TM4SF18: variants seen among roughly 807,000 people sequenced by gnomAD.
TM4SF18 encodes transmembrane 4 L6 family member 18.
TM4SF18 carries 22 observed loss-of-function variants against 23.8 expected under a neutral mutation model. The observed-to-expected ratio is 0.92, with a 90% CI of 0.66 to 1.32. TM4SF18 has a LOEUF of 1.32. Among genes scored for constraint, TM4SF18 ranks in the 40% most tolerant of loss-of-function variants. The probability of loss-of-function intolerance (pLI) is 0.00; values close to 1 mark genes in which losing one functional copy is unlikely to be tolerated. For synonymous variants in TM4SF18, 87 were observed against 87.9 expected, an observed-to-expected ratio of 0.99 and a Z score of 0.06; for missense variants, 255 against 240.3, an observed-to-expected ratio of 1.06 and a Z score of -0.41.
At chr3:149,330,022 A>G (rs1358573139) in intron 3 of TM4SF18, 2 of 188,398 alleles carry the variant, frequency 1.1e-5, no homozygotes, top group African/African-American at 2.3e-5. Flanking sequence ...CACTTATTAT[A>G]TGTAATTTAG....
intron 3 of TM4SF18, among the ~76,000 whole-genome samples, chr3:149,326,132 CT>C (rs1384494516): frequency 6.6e-6 from 1 of 152,078 alleles, no homozygotes; most frequent in East Asian, 1.9e-4. Context: ...TATTTTGTAA[CT>C]TTTAAATTTT....
Position 149,333,372 on chromosome 3 carries a change from C to T in TM4SF18, c.11G>A (p.Arg4Gln), listed in dbSNP as rs867900204. 6.2e-6 allele frequency: 10 copies of T among 1,611,398 alleles called. No homozygotes were observed. The highest frequency in any genetic ancestry group is 3.3e-5 in the Admixed American group (2 of 59,736). The change falls in exon 2 of 6, where the codon CGG becomes CAG. Residue 4 changes from arginine (R) to glutamine (Q), a missense_variant. Transcript: ENST00000296059. ...ACAACTTAGGCAGCCTCCACACTTCCGAGACCCCATTTTGCCCTGCTTAGA... is the reference window on the plus strand; with the variant it reads ...ACAACTTAGGCAGCCTCCACACTTCTGAGACCCCATTTTGCCCTGCTTAGA... MGSRKCGGCLSCLL... is the reference protein window; with the variant it reads MGSQKCGGCLSCLL...
Position 149,322,372 on chromosome 3 carries a change from T to C in TM4SF18, c.475A>G (p.Ile159Val), listed in dbSNP as rs1447174817. The C allele has an allele frequency of 6.2e-7, 1 of 1,614,058 alleles. No homozygotes were observed. Among genetic ancestry groups the C allele is most frequent in the Non-Finnish European group, 8.5e-7 (1 of 1,179,986 alleles). ...GTTATGAGAATGGAAAATAAAATGA[T>C]GTTCCACTCCACAACATGTGCAGGT... ...LEPAHVVEWN[I>V]ILFSILITLS... Residue 159 changes from isoleucine (I) to valine (V), a missense_variant, in exon 5 of 6, where the codon ATC becomes GTC. Transcript: ENST00000296059.
At chr3:149,324,698 A>G (rs1039092316) in intron 4 of TM4SF18, 182 bp downstream of exon 4, 3 of 714,978 alleles carry the variant, frequency 4.2e-6, no homozygotes, top group Admixed American at 6.0e-5. Context: ...GAAGAAAAAA[A>G]TCTAAACAAA....
chr3:149,321,654 G>T (rs1027807752), intron 5 of TM4SF18, among the ~76,000 whole-genome samples, 162 bp from the exon 6 acceptor site: 1 of 152,162 alleles, frequency 6.6e-6, no homozygotes, highest in Middle Eastern at 3.2e-3. Flanking sequence ...TACACATTCT[G>T]TTGTTAAACA....
At position 149,324,921 on chromosome 3, in the gene TM4SF18, G is replaced by A. The variant is rs759501091; in HGVS notation, c.369C>T (p.Thr123=). The A allele has an allele frequency of 6.2e-7, 1 of 1,614,150 alleles. No individual in the cohort carries two copies. The change falls in exon 4 of 6, where the codon ACC becomes ACT. Residue 123 remains threonine, a synonymous_variant. Coordinates refer to ENST00000296059, the MANE Select transcript of TM4SF18 (RefSeq NM_138786.4). ...LGLVQGPYCR[T]LDGWEYAFEG... is the part of the protein sequence containing the mutation. ...CAAAAGCATACTCCCAGCCATCAAG[G>A]GTGCGGCAATATGGCCCTTGGACAA...
At position 149,320,484 on chromosome 3, in the gene TM4SF18, CCATTGAG is replaced by C. The variant is rs1482396052; in HGVS notation, c.*987_*993del. The C allele has an allele frequency of 2.0e-5, 3 of 152,290 alleles. No homozygotes were observed. The East Asian group carries it at 5.8e-4, about 29-fold the overall frequency. The allele number at this position is 152,290 out of a possible 1,614,324, so 9.4% of individuals were successfully genotyped here. On this transcript the variant is annotated 3_prime_UTR_variant, in exon 6 of 6. Transcript: ENST00000296059. ...CTGGTCAGTGGTCATTTTCTCTTGCCCATTGAGCATGTTCCCTAGCTGCTCACTTATT... is the reference window on the plus strand; with the variant it reads ...CTGGTCAGTGGTCATTTTCTCTTGCCCATGTTCCCTAGCTGCTCACTTATT...
intron 4 of TM4SF18, among the ~76,000 whole-genome samples, chr3:149,323,053 C>T (rs763369852): frequency 6.6e-5 from 10 of 152,022 alleles, no homozygotes; most frequent in South Asian, 2.1e-4. Flanking sequence ...CCCGCCACCA[C>T]GCCCGGCTAA....
At chr3:149,330,225 C>T (rs1731058909) in intron 3 of TM4SF18, 105 bp downstream of exon 3, 2 of 696,914 alleles carry the variant, frequency 2.9e-6, no homozygotes, top group Admixed American at 5.2e-5. Context: ...GTACTGTACT[C>T]AACAGTAGTG....
In TM4SF18 at chr3:149,333,419, T is replaced by C; in HGVS notation, c.-17-20A>G. 1 of 1,515,030 alleles carries C rather than the reference T, an allele frequency of 6.6e-7. No individual in the cohort carries two copies. Among genetic ancestry groups the C allele is most frequent in the Non-Finnish European group, 8.9e-7 (1 of 1,124,304 alleles). 93.8% of individuals were successfully genotyped at this position (1,515,030 alleles called of 1,614,324 possible). A position where few individuals can be genotyped will look rare whatever the true frequency, so the allele number is the denominator to read the frequency against. ...TAGAACCTGCGGGAGATTTCAAGAG[T>C]ATACAGTCACAGAAAGTCTATTTTT... On this transcript the variant is annotated intron_variant, in intron 1 of 5. Coordinates refer to ENST00000296059, the MANE Select transcript of TM4SF18 (RefSeq NM_138786.4).
intron 1 of TM4SF18, 42 bp downstream of exon 1, chr3:149,333,471 T>TCA: frequency 2.0e-6 from 1 of 488,306 alleles, no homozygotes; most frequent in Non-Finnish European, 2.8e-6. Context: ...CTTTTTTTTC[T>TCA]CTCTCTCTCT....
chr3:149,322,234 G>A (rs1046623544), intron 5 of TM4SF18, 22 bp downstream of exon 5: 1 of 1,595,628 alleles, frequency 6.3e-7, no homozygotes, highest in Non-Finnish European at 8.6e-7. Flanking sequence ...ATGAGCTACA[G>A]GTGCCCATGA....
chr3:149,323,813 G>T (rs1301029485), intron 4 of TM4SF18, among the ~76,000 whole-genome samples: 4 of 152,126 alleles, frequency 2.6e-5, no homozygotes, highest in Non-Finnish European at 5.9e-5. Context: ...TGCCTGTGGG[G>T]TTGGGCAAAA....
intron 2 of TM4SF18, 22 bp downstream of exon 2, chr3:149,333,184 A>G (rs373254620): frequency 9.4e-6 from 15 of 1,596,574 alleles, no homozygotes; most frequent in Non-Finnish European, 1.1e-5. Context: ...CTTCTCTCCC[A>G]AGTCTCCAAA....
chr3:149,331,255 T>G (rs2108363229), intron 2 of TM4SF18, among the ~76,000 whole-genome samples: 1 of 152,318 alleles, frequency 6.6e-6, no homozygotes, highest in South Asian at 2.1e-4. Context: ...CTTTCATTAA[T>G]TTTTTTGTTC....
intron 3 of TM4SF18, among the ~76,000 whole-genome samples, chr3:149,326,926 G>T (rs1730961955): frequency 1.3e-5 from 2 of 152,126 alleles, no homozygotes; most frequent in Admixed American, 6.6e-5. Flanking sequence ...AGACCTGGAA[G>T]AAGCTGGGGT....
intron 5 of TM4SF18, among the ~76,000 whole-genome samples, 154 bp downstream of exon 5, chr3:149,322,102 G>GA (rs924610925): frequency 2.0e-5 from 3 of 152,150 alleles, no homozygotes; most frequent in Admixed American, 6.5e-5. Context: ...TGGGATATCA[G>GA]AAAAAATTGA....
rs1730800848 is a variant in TM4SF18 at position 149,321,343 on chromosome 3, G to C, written c.*135C>G. On this transcript the variant is annotated 3_prime_UTR_variant, in exon 6 of 6. Transcript: ENST00000296059. ...GTGGTATACTTGCATGTGCAGTGAG[G>C]ACTGCAAATTTTTTACAAATAAACA... 1 of 585,470 alleles carries C rather than the reference G, an allele frequency of 1.7e-6. No individual in the cohort carries two copies. Among genetic ancestry groups the C allele is most frequent in the African/African-American group, 1.9e-5 (1 of 52,528 alleles). The allele number at this position is 585,470 out of a possible 1,614,324, so 36.3% of individuals were successfully genotyped here. A position where few individuals can be genotyped will look rare whatever the true frequency, so the allele number is the denominator to read the frequency against.
chr3:149,330,392 C>G lies in TM4SF18; in HGVS notation c.205G>C (p.Val69Leu). 1 of 1,606,510 alleles carries G rather than the reference C, an allele frequency of 6.2e-7. No homozygotes were observed. Among genetic ancestry groups the G allele is most frequent in the Non-Finnish European group, 8.5e-7 (1 of 1,175,852 alleles). Reference protein sequence around the residue: ...MMLIVTTVLLVLENNNNYKCC... With the variant: ...MMLIVTTVLLLLENNNNYKCC... ...TTATAGTTGTTATTATTCTCCAGTA[C>G]CAGAAGAACTGTTGTTACTATAAGC... is the stretch of plus-strand genomic sequence containing the variant. The change falls in exon 3 of 6, where the codon GTA becomes CTA. Residue 69 changes from valine to leucine, a missense_variant. Coordinates refer to ENST00000296059, the MANE Select transcript of TM4SF18 (RefSeq NM_138786.4).
Sources: gnomAD v4.1 joint callset for allele counts (sites outside exome capture counted in the v4.1 genomes callset) on GRCh38, gnomAD v4.1.1 for gene constraint, MANE v1.5 for transcripts, NCBI Gene and HGNC (gene_info 2026-07-23, HGNC 2026-07-21) for gene names.